Variants in LARP4 observed in about 807,000 individuals in gnomAD.
The protein encoded by LARP4 is La ribonucleoprotein 4.
A neutral mutation model predicts 92.9 loss-of-function variants in LARP4; 29 were observed. The observed-to-expected ratio is 0.31, with a 90% CI of 0.23 to 0.43. LARP4 has a LOEUF of 0.43. LARP4 is among the 20% of genes least tolerant of loss of function. The pLI, the probability that LARP4 is intolerant of heterozygous loss-of-function variation, is 1.00. For synonymous variants in LARP4, 279 were observed against 284.1 expected (o/e 0.98, Z 0.18); for missense variants, 732 against 860.0 (o/e 0.85, Z 1.86).
chr12:50,449,443 C>T (rs987694440), intron 8 of LARP4, among the ~76,000 whole-genome samples: 2 of 151,918 alleles, frequency 1.3e-5, no homozygotes, highest in Non-Finnish European at 2.9e-5. Context: ...GCAAATTGGT[C>T]GCTAGATCTT....
rs542752178 is a variant in LARP4, at chr12:50,445,530, C to G, written c.804+3887C>G. On this transcript the variant is annotated intron_variant, in intron 8 of 15. Transcript: ENST00000398473. ...ATACTTGCCAAAAATTTTTTCTGCCCTCTCTTCTCCTTTCTTTTTTTGGTA... is the reference window on the plus strand; with the variant it reads ...ATACTTGCCAAAAATTTTTTCTGCCGTCTCTTCTCCTTTCTTTTTTTGGTA... Among the ~76,000 whole-genome samples, 335 of 151,946 alleles carry G rather than the reference C, an allele frequency of 2.2e-3. 2 individuals carry two copies. Among genetic ancestry groups the G allele is most frequent in the African/African-American group, 7.8e-3 (325 of 41,432 alleles).
intron 12 of LARP4, among the ~76,000 whole-genome samples, chr12:50,466,238 TAGAC>T (rs1022285298): frequency 1.8e-4 from 28 of 151,998 alleles, no homozygotes; most frequent in South Asian, 4.1e-4. Context: ...TATAGGGTGT[TAGAC>T]AGGAGGGAAG....
Position 50,462,624 on chromosome 12 carries a change from G to T in LARP4, c.1377G>T (p.Arg459Ser). Residue 459 changes from arginine to serine, a missense_variant, in exon 12 of 16, where the codon AGG becomes AGT. Transcript: ENST00000398473. ...FRGRRRREDD[R>S]ISRPHPSTAE... is the part of the protein sequence containing the mutation. Reference sequence around the variant, plus strand: ...GTCGAAGACGACGAGAAGATGACAGGATCTCAGTAAGTTTTTTAAAACTTT... The same window carrying T: ...GTCGAAGACGACGAGAAGATGACAGTATCTCAGTAAGTTTTTTAAAACTTT... The T allele has an allele frequency of 1.3e-6, 2 of 1,588,632 alleles. No individual in the cohort carries two copies. The highest frequency in any genetic ancestry group is 1.4e-5 in the African/African-American group (1 of 73,450).
In LARP4 at chr12:50,420,740, A is replaced by G. The variant is rs533615793; in HGVS notation, c.19-7022A>G. 4.6e-5 allele frequency: 7 copies of G among 152,304 alleles called. No individual in the cohort carries two copies. In the East Asian group the frequency reaches 1.3e-3, roughly 29 times the overall value. The allele number at this position is 152,304 out of a possible 1,614,324, so 9.4% of individuals were successfully genotyped here. ...AAAAATGTATTTTCAGAGAAAGCAC[A>G]ACTTGAGAGAATTTACTAAGAAGTT... On this transcript the variant is annotated intron_variant, in intron 1 of 15. Coordinates refer to ENST00000398473, the MANE Select transcript of LARP4 (RefSeq NM_052879.5).
intron 1 of LARP4, among the ~76,000 whole-genome samples, chr12:50,415,206 A>G (rs1946563161): frequency 1.3e-5 from 2 of 152,174 alleles, no homozygotes; most frequent in South Asian, 4.1e-4. Flanking sequence ...ATCTGTCTCA[A>G]AAAAATAAAT....
At position 50,478,733 on chromosome 12, in the gene LARP4, T is replaced by G. The variant is rs1463610558; in HGVS notation, c.*2869T>G. On this transcript the variant is annotated 3_prime_UTR_variant, in exon 16 of 16. Transcript: ENST00000398473. ...ACATAGAGACATTGCAAAACCTGTCTCCATTTGCTATCCTGATAATTAAGG... is the reference window on the plus strand; with the variant it reads ...ACATAGAGACATTGCAAAACCTGTCGCCATTTGCTATCCTGATAATTAAGG... The G allele has an allele frequency of 1.3e-5, 2 of 152,136 alleles. No individual in the cohort carries two copies. The highest frequency in any genetic ancestry group is 4.8e-5 in the African/African-American group (2 of 41,438). The allele number at this position is 152,136 out of a possible 1,614,324, so 9.4% of individuals were successfully genotyped here.
intron 15 of LARP4, 65 bp from the exon 16 acceptor site, chr12:50,475,461 A>G: frequency 4.4e-6 from 6 of 1,349,870 alleles, no homozygotes; most frequent in African/African-American, 4.4e-5. Flanking sequence ...TAACACAATC[A>G]TTTTTATACT....
At chr12:50,447,359 A>G (rs1228768795) in intron 8 of LARP4, among the ~76,000 whole-genome samples, 1 of 152,196 alleles carries the variant, frequency 6.6e-6, no homozygotes, top group African/African-American at 2.4e-5. Context: ...TAAATATTAT[A>G]GATGTTGATG....
intron 1 of LARP4, among the ~76,000 whole-genome samples, chr12:50,413,787 G>A (rs4343103): frequency 0.84 from 127,130 of 152,200 alleles, 55,603 homozygotes; most frequent in East Asian, 0.98. Flanking sequence ...ATCACCTTGC[G>A]TAACTATAGT....
chr12:50,457,761 C>A (rs2060141097), intron 10 of LARP4, among the ~76,000 whole-genome samples: 1 of 149,892 alleles, frequency 6.7e-6, no homozygotes, highest in Non-Finnish European at 1.5e-5. Flanking sequence ...TTGTAATGAG[C>A]TGAGATCGCA....
chr12:50,437,985 T>C (rs2137503261), intron 6 of LARP4, 147 bp downstream of exon 6: 1 of 541,216 alleles, frequency 1.8e-6, no homozygotes, highest in East Asian at 2.9e-5. Context: ...GTGAAAAGGT[T>C]AAATACTAAT....
rs1330556184 is a variant in LARP4, at chr12:50,477,640, T to C, written c.*1776T>C. The C allele has an allele frequency of 6.6e-6, 1 of 152,560 alleles. No homozygotes were observed. The highest frequency in any genetic ancestry group is 1.9e-4 in the East Asian group (1 of 5,204). 9.5% of individuals were successfully genotyped at this position (152,560 alleles called of 1,614,324 possible). ...ATATCTGTACAAGCCAGAATTACTA[T>C]TTCTTTGACTTATTATTAGCTTGGC... On this transcript the variant is annotated 3_prime_UTR_variant, in exon 16 of 16. Coordinates refer to ENST00000398473, the MANE Select transcript of LARP4 (RefSeq NM_052879.5).
At chr12:50,445,524 T>C (rs1180711108) in intron 8 of LARP4, among the ~76,000 whole-genome samples, 2 of 152,190 alleles carry the variant, frequency 1.3e-5, no homozygotes, top group Non-Finnish European at 2.9e-5. Context: ...AAAAATTTTT[T>C]CTGCCCTCTC....
At position 50,476,306 on chromosome 12, in the gene LARP4, T is replaced by G. The variant is rs1302237413; in HGVS notation, c.*442T>G. 3 of 152,858 alleles carry G rather than the reference T, an allele frequency of 2.0e-5. No individual in the cohort carries two copies. Among genetic ancestry groups the G allele is most frequent in the Non-Finnish European group, 4.4e-5 (3 of 68,312 alleles). The allele number at this position is 152,858 out of a possible 1,614,324, so 9.5% of individuals were successfully genotyped here. ...TTAGAAATTACTTTTTTTAATCTAT[T>G]TAAAGTTTGGCTTGAAGAATGCCAT... On this transcript the variant is annotated 3_prime_UTR_variant, in exon 16 of 16. Transcript: ENST00000398473.
At chr12:50,424,717 T>G (rs1202453804) in intron 1 of LARP4, among the ~76,000 whole-genome samples, 1 of 152,168 alleles carries the variant, frequency 6.6e-6, no homozygotes, top group Non-Finnish European at 1.5e-5. Flanking sequence ...AATTTACAGT[T>G]AACAAAATTG....
intron 1 of LARP4, among the ~76,000 whole-genome samples, chr12:50,427,389 G>T (rs1948962283): frequency 2.6e-5 from 4 of 152,050 alleles, no homozygotes; most frequent in Non-Finnish European, 5.9e-5. Flanking sequence ...CTGAGACAGG[G>T]TCTCCTCTGT....
chr12:50,430,578 TG>T lies in LARP4; in HGVS notation c.398+9del. 1 of 1,546,378 alleles carries T rather than the reference TG, an allele frequency of 6.5e-7. No individual in the cohort carries two copies. The highest frequency in any genetic ancestry group is 8.9e-7 in the Non-Finnish European group (1 of 1,124,912). ...AGAATTCTGTTTTTCACGGTATTGC[TG>T]TTTCCCCTTTATTGAATTTTATTAG... On this transcript the variant is annotated intron_variant, in intron 4 of 15. Transcript: ENST00000398473.
At chr12:50,433,750 C>G (rs993356937) in intron 4 of LARP4, among the ~76,000 whole-genome samples, 8 of 151,208 alleles carry the variant, frequency 5.3e-5, no homozygotes, top group African/African-American at 1.7e-4. Context: ...AGCGATTCTT[C>G]TGATTCAGCC....
chr12:50,472,678 A>G (rs1328451873), intron 13 of LARP4, among the ~76,000 whole-genome samples: 2 of 151,730 alleles, frequency 1.3e-5, no homozygotes, highest in Non-Finnish European at 2.9e-5. Context: ...CTAGCTAAAT[A>G]TTTTACTTTA....
Sources: allele counts gnomAD v4.1 joint callset (sites outside exome capture counted in the v4.1 genomes callset), GRCh38; gene constraint gnomAD v4.1.1; transcripts MANE v1.5; gene names NCBI Gene and HGNC (gene_info 2026-07-23, HGNC 2026-07-21).